The following CADM2 variants were observed in gnomAD, a reference collection of about 807,000 sequenced individuals.
CADM2 encodes the protein immunoglobulin superfamily member 4D.
Under a neutral mutation model 49.8 loss-of-function variants are expected in CADM2, and 12 were observed. The ratio of observed to expected loss-of-function variants is 0.24; its 90% confidence interval spans 0.15 to 0.39. The LOEUF (loss-of-function observed/expected upper bound fraction) is 0.39, where lower values mean the gene tolerates loss of function less well. Ranked by LOEUF, CADM2 falls within the 10% of genes least tolerant of loss-of-function variation. The probability of loss-of-function intolerance (pLI) is 1.00; values close to 1 mark genes in which losing one functional copy is unlikely to be tolerated. For missense variants in CADM2, 378 were observed against 492.3 expected (o/e 0.77, Z 2.20); for synonymous variants, 214 against 175.4 (o/e 1.22, Z -1.74).
intron 1 of CADM2, among the ~76,000 whole-genome samples, chr3:85,014,885 C>G (rs1439078686): frequency 6.6e-6 from 1 of 152,092 alleles, no homozygotes; most frequent in Non-Finnish European, 1.5e-5. Context: ...ATGCCATTAG[C>G]TTTGGAAACT....
chr3:85,369,791 A>G (rs2033067180), intron 1 of CADM2, among the ~76,000 whole-genome samples: 2 of 152,158 alleles, frequency 1.3e-5, no homozygotes, highest in South Asian at 2.1e-4. Context: ...ACTTTATTAC[A>G]TCAGTGTTCA....
intron 8 of CADM2, among the ~76,000 whole-genome samples, chr3:85,995,262 T>C (rs1192116515): frequency 6.6e-6 from 1 of 152,166 alleles, no homozygotes; most frequent in Non-Finnish European, 1.5e-5. Context: ...CATGACACAA[T>C]ATACAGATTT....
intron 2 of CADM2, among the ~76,000 whole-genome samples, chr3:85,794,068 A>G (rs1312338711): frequency 1.3e-5 from 2 of 152,178 alleles, no homozygotes; most frequent in Non-Finnish European, 2.9e-5. Flanking sequence ...ATAGTCAGAT[A>G]TATCTGTTCT....
At chr3:85,770,010 G>A (rs1291187940) in intron 2 of CADM2, among the ~76,000 whole-genome samples, 4 of 151,764 alleles carry the variant, frequency 2.6e-5, no homozygotes, top group South Asian at 4.1e-4. Context: ...AAAAAAAACA[G>A]CATTTCTTCA....
In CADM2 at chr3:86,012,539, G is replaced by A. The variant is rs903822738; in HGVS notation, c.970+50892G>A. On this transcript the variant is annotated intron_variant, in intron 8 of 9. Transcript: ENST00000383699. ...GAGGAGGCCGGGAGCGGAGGGCTGG[G>A]CCAGCCAGCGGGCGGGCGAAGATGC... 16 of 1,436,340 alleles carry A rather than the reference G, an allele frequency of 1.1e-5. No homozygotes were observed. The African/African-American group carries it at 2.0e-4, about 18-fold the overall frequency. 89.0% of individuals were successfully genotyped at this position (1,436,340 alleles called of 1,614,324 possible).
chr3:85,552,961 G>T (rs2061851256), intron 1 of CADM2, among the ~76,000 whole-genome samples: 1 of 152,130 alleles, frequency 6.6e-6, no homozygotes, highest in Non-Finnish European at 1.5e-5. Flanking sequence ...ACAGGTGTGA[G>T]CCTCCAGTCC....
chr3:85,196,400 T>G (rs1031032451), intron 1 of CADM2, among the ~76,000 whole-genome samples: 6 of 151,988 alleles, frequency 3.9e-5, no homozygotes, highest in Non-Finnish European at 7.4e-5. Context: ...TCCATCAGTT[T>G]GTTATGAGTT....
At chr3:85,836,061 T>A (rs1446515990) in intron 3 of CADM2, among the ~76,000 whole-genome samples, 2 of 151,438 alleles carry the variant, frequency 1.3e-5, no homozygotes, top group Non-Finnish European at 3.0e-5. Context: ...TGAAAAAGCG[T>A]TTTAGTTTTG....
chr3:85,134,610 G>T (rs1258612576), intron 1 of CADM2, among the ~76,000 whole-genome samples: 1 of 152,154 alleles, frequency 6.6e-6, no homozygotes, highest in Non-Finnish European at 1.5e-5. Context: ...AAATTAAAAA[G>T]AACCTTTAGT....
chr3:85,814,317 G>T (rs1039342659), intron 3 of CADM2, among the ~76,000 whole-genome samples: 5 of 151,978 alleles, frequency 3.3e-5, no homozygotes, highest in African/African-American at 1.2e-4. Flanking sequence ...GTGAATGGGA[G>T]TTCACTCATG....
At chr3:85,722,510 A>T (rs896406558) in intron 1 of CADM2, among the ~76,000 whole-genome samples, 3 of 152,188 alleles carry the variant, frequency 2.0e-5, no homozygotes, top group Admixed American at 2.0e-4. Context: ...AAATACAAAG[A>T]TCCATAGTGC....
chr3:85,488,819 G>T (rs760035368), intron 1 of CADM2, among the ~76,000 whole-genome samples: 1 of 152,032 alleles, frequency 6.6e-6, no homozygotes, highest in Non-Finnish European at 1.5e-5. Context: ...GTGAGCCACC[G>T]TGCCTGGCCT....
At chr3:85,652,292 G>A (rs13083873) in intron 1 of CADM2, among the ~76,000 whole-genome samples, 26,736 of 151,988 alleles carry the variant, frequency 0.18, 2,954 homozygotes, top group Non-Finnish European at 0.24. Context: ...AGGGGTTAGC[G>A]TGTGATATCT....
intron 2 of CADM2, among the ~76,000 whole-genome samples, chr3:85,745,861 T>C (rs2068596275): frequency 6.6e-6 from 1 of 152,046 alleles, no homozygotes; most frequent in South Asian, 2.1e-4. Context: ...ATTCCTTCCT[T>C]GTTAATTTCT....
At chr3:85,504,470 T>C (rs1467817995) in intron 1 of CADM2, among the ~76,000 whole-genome samples, 2 of 152,332 alleles carry the variant, frequency 1.3e-5, no homozygotes, top group East Asian at 3.9e-4. Flanking sequence ...TGTTATTCTC[T>C]TATCTGGCCC....
intron 1 of CADM2, among the ~76,000 whole-genome samples, chr3:85,072,754 A>G (rs2107477590): frequency 6.6e-6 from 1 of 152,184 alleles, no homozygotes; most frequent in Admixed American, 6.5e-5. Flanking sequence ...TTTAAATTCT[A>G]TTATAAGGAC....
chr3:85,290,790 A>G (rs1474781249), intron 1 of CADM2, among the ~76,000 whole-genome samples: 5 of 152,216 alleles, frequency 3.3e-5, no homozygotes, highest in African/African-American at 9.6e-5. Context: ...CCATCTGTAC[A>G]TCACCATCAT....
intron 7 of CADM2, among the ~76,000 whole-genome samples, chr3:85,952,166 A>G (rs1723510571): frequency 6.6e-6 from 1 of 151,028 alleles, no homozygotes; most frequent in African/African-American, 2.4e-5. Context: ...ATTATTGGAC[A>G]GGAGAAAATC....
intron 1 of CADM2, among the ~76,000 whole-genome samples, chr3:85,371,729 A>G (rs1227742779): frequency 7.7e-6 from 1 of 130,276 alleles, no homozygotes; most frequent in Non-Finnish European, 1.6e-5. Context: ...TTACAAGTGG[A>G]TTTTTTTAAC....
Sources: gnomAD v4.1 joint callset for allele counts (sites outside exome capture counted in the v4.1 genomes callset) on GRCh38, gnomAD v4.1.1 for gene constraint, MANE v1.5 for transcripts, NCBI Gene and HGNC (gene_info 2026-07-23, HGNC 2026-07-21) for gene names.